The following PRTFDC1 variants were observed in gnomAD, a reference collection of about 807,000 sequenced individuals.
PRTFDC1 encodes phosphoribosyl transferase domain containing 1.
PRTFDC1 carries 38 observed loss-of-function variants against 34.6 expected under a neutral mutation model. The ratio of observed to expected loss-of-function variants is 1.10; its 90% CI spans 0.85 to 1.44. The LOEUF (loss-of-function observed/expected upper bound fraction) is 1.44. PRTFDC1 is among the 40% of genes most tolerant of loss of function. PRTFDC1 has a pLI of 0.00. For synonymous variants in PRTFDC1, 93 were observed against 98.1 expected (o/e 0.95, Z 0.31); for missense variants, 270 against 283.0 (o/e 0.95, Z 0.33).
At chr10:24,855,025 T>A (rs1847548232) in intron 7 of PRTFDC1, among the ~76,000 whole-genome samples, 1 of 152,176 alleles carries the variant, frequency 6.6e-6, no homozygotes, top group Non-Finnish European at 1.5e-5. Context: ...TCAGCTGACT[T>A]CTCTGTAGTT....
At chr10:24,878,026 A>ATC (rs1847996663) in intron 3 of PRTFDC1, among the ~76,000 whole-genome samples, 1 of 151,730 alleles carries the variant, frequency 6.6e-6, no homozygotes, top group African/African-American at 2.4e-5. Context: ...CACGCCTGTA[A>ATC]TCCCAGCACT....
At chr10:24,905,223 G>C (rs1267166211) in intron 3 of PRTFDC1, among the ~76,000 whole-genome samples, 1 of 151,990 alleles carries the variant, frequency 6.6e-6, no homozygotes, top group African/African-American at 2.4e-5. Flanking sequence ...AGAGGTGGGC[G>C]GATTGCTTGA....
In PRTFDC1 at chr10:24,895,142, C is replaced by T. The variant is rs77979359; in HGVS notation, c.340-23079G>A. 2.1e-3 allele frequency among the ~76,000 whole-genome samples: 317 copies of T among 152,088 alleles called. 2 individuals are homozygous for T. Among genetic ancestry groups the T allele is most frequent in the African/African-American group, 6.7e-3 (278 of 41,462 alleles). On this transcript the variant is annotated intron_variant, in intron 3 of 8. Coordinates refer to ENST00000320152, the MANE Select transcript of PRTFDC1 (RefSeq NM_020200.7). ...TCTTGTTATAAACTGAAAACTGAGG[C>T]CTGAGGAAGTTGTGCTTTGTACCAG...
intron 3 of PRTFDC1, among the ~76,000 whole-genome samples, chr10:24,891,345 C>G (rs1432055959): frequency 2.0e-5 from 3 of 152,024 alleles, no homozygotes; most frequent in Non-Finnish European, 4.4e-5. Context: ...TATAACAAAA[C>G]CTTGCTTTTT....
At chr10:24,923,079 G>A (rs985272904) in intron 3 of PRTFDC1, among the ~76,000 whole-genome samples, 1 of 152,210 alleles carries the variant, frequency 6.6e-6, no homozygotes, top group African/African-American at 2.4e-5. Context: ...CTGTGATGCT[G>A]TAGCTGGGCA....
At chr10:24,949,527 C>T (rs185669) in intron 1 of PRTFDC1, among the ~76,000 whole-genome samples, 45,072 of 151,980 alleles carry the variant, frequency 0.3, 7,835 homozygotes, top group East Asian at 0.47. Context: ...CCAGCAGCTT[C>T]GATTCGCTCT....
chr10:24,944,345 C>T (rs948297221), intron 1 of PRTFDC1, among the ~76,000 whole-genome samples: 1 of 152,132 alleles, frequency 6.6e-6, no homozygotes, highest in Non-Finnish European at 1.5e-5. Flanking sequence ...GACTACCTCT[C>T]GGCACCTCCA....
chr10:24,925,584 A>G (rs928567232), intron 3 of PRTFDC1, among the ~76,000 whole-genome samples: 1 of 152,256 alleles, frequency 6.6e-6, no homozygotes, highest in Non-Finnish European at 1.5e-5. Context: ...TATACATAGC[A>G]TGCTTAAGTT....
chr10:24,855,656 G>A (rs1309561204), intron 6 of PRTFDC1, among the ~76,000 whole-genome samples: 2 of 152,062 alleles, frequency 1.3e-5, no homozygotes, highest in African/African-American at 4.8e-5. Context: ...TTAGCTGGGT[G>A]TGGTGGCACC....
rs553749267 is a variant in PRTFDC1 at position 24,895,508 on chromosome 10, C to T, written c.340-23445G>A. Among the ~76,000 whole-genome samples the T allele has an allele frequency of 9.3e-5, 14 of 150,902 alleles. No individual in the cohort carries two copies. In the East Asian group the frequency reaches 2.5e-3, roughly 27 times the overall value. On this transcript the variant is annotated intron_variant, in intron 3 of 8. Transcript: ENST00000320152. ...TCAGGTGATCCACCTGCCTTGGCCT[C>T]CCAAAGTGCTGAGATTACAGGTGTG...
At chr10:24,857,932 C>T (rs1177990631) in intron 5 of PRTFDC1, among the ~76,000 whole-genome samples, 1 of 152,108 alleles carries the variant, frequency 6.6e-6, no homozygotes, top group Non-Finnish European at 1.5e-5. Flanking sequence ...ACATAGCTTT[C>T]CCCATAGCTC....
At chr10:24,881,961 C>G (rs1848085799) in intron 3 of PRTFDC1, among the ~76,000 whole-genome samples, 1 of 152,004 alleles carries the variant, frequency 6.6e-6, no homozygotes, top group Non-Finnish European at 1.5e-5. Flanking sequence ...AATCCCAGAA[C>G]TTTGGGAGGC....
intron 1 of PRTFDC1, among the ~76,000 whole-genome samples, chr10:24,949,715 G>GTTTT (rs1275659148): frequency 6.9e-6 from 1 of 144,060 alleles, no homozygotes; most frequent in Non-Finnish European, 1.5e-5. Flanking sequence ...CATTTTTTTT[G>GTTTT]TTTATTTATT....
At chr10:24,890,794 A>C (rs1848247403) in intron 3 of PRTFDC1, among the ~76,000 whole-genome samples, 1 of 152,138 alleles carries the variant, frequency 6.6e-6, no homozygotes, top group Admixed American at 6.5e-5. Context: ...TCTGTGAGAA[A>C]CCTAGCCCTG....
At chr10:24,947,029 A>C (rs1849261316) in intron 1 of PRTFDC1, among the ~76,000 whole-genome samples, 1 of 152,200 alleles carries the variant, frequency 6.6e-6, no homozygotes. Flanking sequence ...AGTTTCAGCT[A>C]CTTGGGAAGC....
At chr10:24,883,856 A>T (rs1221178792) in intron 3 of PRTFDC1, among the ~76,000 whole-genome samples, 1 of 132,942 alleles carries the variant, frequency 7.5e-6, no homozygotes, top group African/African-American at 2.9e-5. Context: ...ACAGAATCTC[A>T]CTGTGTTACC....
At chr10:24,877,473 T>C (rs1390127541) in intron 3 of PRTFDC1, among the ~76,000 whole-genome samples, 2 of 152,226 alleles carry the variant, frequency 1.3e-5, no homozygotes, top group African/African-American at 2.4e-5. Flanking sequence ...TGGTCCATTG[T>C]TTTATTTTCT....
At chr10:24,854,108 C>T (rs1588570242) in intron 7 of PRTFDC1, among the ~76,000 whole-genome samples, 1 of 152,160 alleles carries the variant, frequency 6.6e-6, no homozygotes, top group African/African-American at 2.4e-5. Flanking sequence ...TGGCACATCA[C>T]GACCTCTTCC....
At chr10:24,928,601 GCCCAGC>G (rs1848917891) in intron 3 of PRTFDC1, among the ~76,000 whole-genome samples, 2 of 151,960 alleles carry the variant, frequency 1.3e-5, no homozygotes, top group African/African-American at 4.8e-5. Flanking sequence ...CCACCACCAC[GCCCAGC>G]TAATTTTTGT....
Sources: allele counts gnomAD v4.1 joint callset (sites outside exome capture counted in the v4.1 genomes callset), GRCh38; gene constraint gnomAD v4.1.1; transcripts MANE v1.5; gene names NCBI Gene and HGNC (gene_info 2026-07-23, HGNC 2026-07-21).